SLC35E2B: variants seen among roughly 807,000 people sequenced by gnomAD.
SLC35E2B encodes solute carrier family 35 member E2B, also known as solute carrier family 35, member E2B.
SLC35E2B carries 18 observed loss-of-function variants against 32.4 expected under a neutral mutation model. That is an observed-to-expected ratio of 0.56 (90% CI 0.38 to 0.82). SLC35E2B has a LOEUF of 0.82. SLC35E2B is among the 40% of genes least tolerant of loss of function. The probability of loss-of-function intolerance (pLI) is 0.00; values close to 1 mark genes in which losing one functional copy is unlikely to be tolerated. For missense variants in SLC35E2B, 263 were observed against 469.5 expected (o/e 0.56, Z 4.06); for synonymous variants, 132 against 209.1 (o/e 0.63, Z 3.18).
In SLC35E2B at chr1:1,662,551, G is replaced by A; in HGVS notation, c.*3231C>T. The A allele has an allele frequency of 2.5e-6, 2 of 810,854 alleles. No individual in the cohort carries two copies. The highest frequency in any genetic ancestry group is 3.0e-6 in the Non-Finnish European group (2 of 670,342). The allele number at this position is 810,854 out of a possible 1,614,324, so 50.2% of individuals were successfully genotyped here. A position where few individuals can be genotyped will look rare whatever the true frequency, so the allele number is the denominator to read the frequency against. ...GTTCAGCTGTTTAAAATGACTGTCT[G>A]ACTCACCATGGTAATTTTTCACAAA... On this transcript the variant is annotated 3_prime_UTR_variant, in exon 10 of 10. Coordinates refer to ENST00000617444, the MANE Select transcript of SLC35E2B (RefSeq NM_001290264.2).
In SLC35E2B at chr1:1,666,348, G is replaced by A. The variant is rs951803248; in HGVS notation, c.981-329C>T. 3.9e-5 allele frequency among the ~76,000 whole-genome samples: 6 copies of A among 152,132 alleles called. No individual in the cohort carries two copies. The East Asian group carries it at 9.6e-4, about 24-fold the overall frequency. ...GCAGAGGAGGAGAAACCTAAGTAACGGCCACGTCCTGTGATCTAGACGCAG... is the reference window on the plus strand; with the variant it reads ...GCAGAGGAGGAGAAACCTAAGTAACAGCCACGTCCTGTGATCTAGACGCAG... On this transcript the variant is annotated intron_variant, in intron 9 of 9. Transcript: ENST00000617444.
chr1:1,682,673 A>T lies in SLC35E2B; in HGVS notation c.-147-5827T>A, dbSNP rs1460273881. The stretch of plus-strand genomic sequence containing the variant: ...GGGACGGGCCCCAGGGGAAAGCAAC[A>T]GCACCTTCAGGTGCTGGAACCCAGC... On this transcript the variant is annotated intron_variant, in intron 2 of 9. Transcript: ENST00000617444. Among the ~76,000 whole-genome samples the T allele has an allele frequency of 3.9e-5, 6 of 152,248 alleles. No individual in the cohort carries two copies. The East Asian group carries it at 1.2e-3, about 29-fold the overall frequency.
chr1:1,667,592 T>C (rs1369937156), intron 9 of SLC35E2B, among the ~76,000 whole-genome samples: 2 of 152,130 alleles, frequency 1.3e-5, no homozygotes, highest in Non-Finnish European at 1.5e-5. Context: ...AGCAATCAGC[T>C]TGAATTCCTA....
intron 5 of SLC35E2B, among the ~76,000 whole-genome samples, chr1:1,674,637 A>AG (rs1553169858): frequency 6.7e-6 from 1 of 150,142 alleles, no homozygotes; most frequent in Non-Finnish European, 1.5e-5. Flanking sequence ...AAAAAACAAA[A>AG]AAAAAAAAAC....
In SLC35E2B at chr1:1,678,651, G is replaced by A. The variant is rs373234879; in HGVS notation, c.-147-1805C>T. Among the ~76,000 whole-genome samples the A allele has an allele frequency of 1.4e-3, 208 of 152,154 alleles. 2 individuals carry two copies. The highest frequency in any genetic ancestry group is 3.5e-3 in the Admixed American group (53 of 15,278). On this transcript the variant is annotated intron_variant, in intron 2 of 9. Coordinates refer to ENST00000617444, the MANE Select transcript of SLC35E2B (RefSeq NM_001290264.2). ...CCCCTCCACCAGTTCCCACAGCCTC[G>A]GAATAACAAAGGACTCATCCACTCC...
At chr1:1,681,929 G>A (rs1643902632) in intron 2 of SLC35E2B, among the ~76,000 whole-genome samples, 1 of 133,274 alleles carries the variant, frequency 7.5e-6, no homozygotes, top group South Asian at 2.6e-4. Flanking sequence ...AGCTTGCAGC[G>A]AGCCGAGATC....
At position 1,680,531 on chromosome 1, in the gene SLC35E2B, C is replaced by T. The variant is rs892224923; in HGVS notation, c.-147-3685G>A. ...AGTGGAACTGCCCAGCCCTGGGACA[C>T]GCATGCTGAGCCCCAGCCAACGTCA... On this transcript the variant is annotated intron_variant, in intron 2 of 9. Coordinates refer to ENST00000617444, the MANE Select transcript of SLC35E2B (RefSeq NM_001290264.2). Among the ~76,000 whole-genome samples the T allele has an allele frequency of 5.3e-5, 8 of 152,238 alleles. 1 individual carries two copies. The highest frequency in any genetic ancestry group is 1.9e-4 in the East Asian group (1 of 5,164).
intron 5 of SLC35E2B, among the ~76,000 whole-genome samples, 194 bp downstream of exon 5, chr1:1,675,269 A>C (rs537411159): frequency 6.7e-6 from 1 of 150,374 alleles, no homozygotes; most frequent in African/African-American, 2.4e-5. Context: ...CAGTGTGAGA[A>C]TACCTGGCAG....
chr1:1,688,075 G>A (rs1224090549), intron 2 of SLC35E2B, among the ~76,000 whole-genome samples: 1 of 152,066 alleles, frequency 6.6e-6, no homozygotes, highest in Non-Finnish European at 1.5e-5. Flanking sequence ...CCGAGGGAGG[G>A]CGCAGGGGGC....
intron 2 of SLC35E2B, among the ~76,000 whole-genome samples, chr1:1,682,982 CA>C (rs1643913032): frequency 6.6e-6 from 1 of 152,030 alleles, no homozygotes; most frequent in African/African-American, 2.4e-5. Flanking sequence ...GAGGTTGAGG[CA>C]GGAGAATTGC....
At chr1:1,673,444 C>A (rs189347809) in intron 5 of SLC35E2B, 89 of 297,190 alleles carry the variant, frequency 3.0e-4, no homozygotes, top group African/African-American at 1.8e-3. Context: ...CTGAGGCGGG[C>A]AGATCACGAG....
intron 2 of SLC35E2B, among the ~76,000 whole-genome samples, chr1:1,682,223 C>T (rs554736634): frequency 6.6e-6 from 1 of 152,082 alleles, no homozygotes; most frequent in East Asian, 1.9e-4. Flanking sequence ...AAATAAAGCA[C>T]TTCGCCGAGG....
chr1:1,688,738 G>A (rs541378042), intron 2 of SLC35E2B, among the ~76,000 whole-genome samples: 13 of 152,182 alleles, frequency 8.5e-5, no homozygotes, highest in South Asian at 6.2e-4. Flanking sequence ...ATGCACGCAC[G>A]ATGAGTAGAA....
At chr1:1,679,987 G>A (rs551836781) in intron 2 of SLC35E2B, among the ~76,000 whole-genome samples, 19 of 150,776 alleles carry the variant, frequency 1.3e-4, no homozygotes, top group South Asian at 8.4e-4. Flanking sequence ...AAAATTAGCC[G>A]GGCGTAGTGG....
At chr1:1,674,415 T>C (rs2101102112) in intron 5 of SLC35E2B, 1 of 152,150 alleles carries the variant, frequency 6.6e-6, no homozygotes, top group Admixed American at 6.6e-5. Flanking sequence ...TTAAGAAAAA[T>C]GACTAACGTA....
At position 1,681,347 on chromosome 1, in the gene SLC35E2B, G is replaced by A. The variant is rs575727966; in HGVS notation, c.-147-4501C>T. On this transcript the variant is annotated intron_variant, in intron 2 of 9. Coordinates refer to ENST00000617444, the MANE Select transcript of SLC35E2B (RefSeq NM_001290264.2). Reference sequence around the variant, plus strand: ...GAAGTAGCTGGGACTACAGGCGCCCGCCACCACGCCTGGCTAATTTTGTTT... The same window carrying A: ...GAAGTAGCTGGGACTACAGGCGCCCACCACCACGCCTGGCTAATTTTGTTT... Among the ~76,000 whole-genome samples the A allele has an allele frequency of 4.0e-5, 6 of 151,832 alleles. No individual in the cohort carries two copies. The South Asian group carries it at 6.2e-4, about 16-fold the overall frequency.
In SLC35E2B at chr1:1,685,719, G is replaced by A. The variant is rs565348474; in HGVS notation, c.-148+5257C>T. On this transcript the variant is annotated intron_variant, in intron 2 of 9. Coordinates refer to ENST00000617444, the MANE Select transcript of SLC35E2B (RefSeq NM_001290264.2). Reference sequence around the variant, plus strand: ...GAAGCAGAACAAGCCCTGGGAACTCGGGTGCATGGACGCTGGATGTGGGTA... The same window carrying A: ...GAAGCAGAACAAGCCCTGGGAACTCAGGTGCATGGACGCTGGATGTGGGTA... Among the ~76,000 whole-genome samples, 22 of 152,256 alleles carry A rather than the reference G, an allele frequency of 1.4e-4. 1 individual carries two copies. The South Asian group carries it at 3.9e-3, about 27-fold the overall frequency.
intron 8 of SLC35E2B, 134 bp from the exon 9 acceptor site, chr1:1,668,606 C>T (rs1643603853): frequency 6.5e-7 from 1 of 1,537,878 alleles, no homozygotes. Context: ...CTGAAAATGC[C>T]TCGAGCGGAC....
intron 8 of SLC35E2B, 33 bp from the exon 9 acceptor site, chr1:1,668,505 T>C: frequency 6.2e-7 from 1 of 1,613,972 alleles, no homozygotes. Flanking sequence ...CTCTATCGGT[T>C]TCCATTTTCC....
Sources: gnomAD v4.1 joint callset for allele counts (sites outside exome capture counted in the v4.1 genomes callset) on GRCh38, gnomAD v4.1.1 for gene constraint, MANE v1.5 for transcripts, NCBI Gene and HGNC (gene_info 2026-07-23, HGNC 2026-07-21) for gene names.